Variants in TET3 observed in about 807,000 individuals in gnomAD.
The protein encoded by TET3 is methylcytosine dioxygenase TET3.
In TET3, 19 loss-of-function variants were observed where a neutral mutation model predicts 141.4. The ratio of observed to expected loss-of-function variants is 0.13; its 90% CI spans 0.09 to 0.20. TET3 has a LOEUF of 0.20. Among genes scored for constraint, TET3 ranks in the 10% least tolerant of loss-of-function variants. The pLI, the probability that TET3 is intolerant of heterozygous loss-of-function variation, is 1.00. For missense variants in TET3, 1,874 were observed against 2,356.9 expected (o/e 0.80, Z 4.24); for synonymous variants, 1,043 against 980.9 (o/e 1.06, Z -1.18).
At chr2:74,024,485 G>T (rs1003180250) in intron 3 of TET3, among the ~76,000 whole-genome samples, 1 of 152,060 alleles carries the variant, frequency 6.6e-6, no homozygotes, top group Non-Finnish European at 1.5e-5. Flanking sequence ...CATCCAGGCG[G>T]CCCCCTTCTT....
intron 4 of TET3, among the ~76,000 whole-genome samples, chr2:74,070,155 A>G (rs1038140440): frequency 6.6e-6 from 1 of 152,150 alleles, no homozygotes; most frequent in African/African-American, 2.4e-5. Context: ...TCTTAACTGT[A>G]TTCTGCTGTA....
At chr2:74,074,713 G>T (rs6755711) in intron 5 of TET3, among the ~76,000 whole-genome samples, 51,041 of 152,094 alleles carry the variant, frequency 0.34, 9,621 homozygotes, top group African/African-American at 0.51. Flanking sequence ...CACTGTAGGA[G>T]TGTCCCGAGG....
intron 3 of TET3, among the ~76,000 whole-genome samples, chr2:74,006,400 CT>C (rs913883093): frequency 6.6e-6 from 1 of 152,196 alleles, no homozygotes; most frequent in African/African-American, 2.4e-5. Context: ...GACCCTCACC[CT>C]TTTTGAATGT....
intron 3 of TET3, among the ~76,000 whole-genome samples, chr2:74,011,227 CAAA>C (rs34155044): frequency 6.4e-5 from 6 of 94,380 alleles, no homozygotes; most frequent in South Asian, 4.2e-4. Context: ...GACTCCGTTT[CAAA>C]AAAAAAAAAA....
chr2:74,095,085 G>T (rs142186142), intron 10 of TET3, among the ~76,000 whole-genome samples: 8 of 152,258 alleles, frequency 5.3e-5, no homozygotes, highest in Admixed American at 6.5e-5. Flanking sequence ...CCAGGTTCTG[G>T]GCAGACAGGG....
chr2:74,067,557 CGTAACAATTAT>C (rs1278262066), intron 4 of TET3, among the ~76,000 whole-genome samples: 3 of 152,202 alleles, frequency 2.0e-5, no homozygotes, highest in Non-Finnish European at 4.4e-5. Context: ...TTAACAATTA[CGTAACAATTAT>C]GTTTTATACA....
intron 3 of TET3, among the ~76,000 whole-genome samples, chr2:74,004,784 G>T (rs1462042859): frequency 6.6e-6 from 1 of 152,160 alleles, no homozygotes; most frequent in East Asian, 1.9e-4. Flanking sequence ...GCCTTCTCTG[G>T]AGCAGAACCC....
intron 3 of TET3, among the ~76,000 whole-genome samples, chr2:74,011,225 T>A: frequency 1.3e-5 from 1 of 78,806 alleles, no homozygotes; most frequent in South Asian, 3.1e-4. Flanking sequence ...GAGACTCCGT[T>A]TCAAAAAAAA....
intron 4 of TET3, among the ~76,000 whole-genome samples, chr2:74,055,055 C>T (rs1217407740): frequency 1.3e-5 from 2 of 152,072 alleles, no homozygotes; most frequent in African/African-American, 4.8e-5. Flanking sequence ...ACCACTATGC[C>T]TGGCTAATTT....
At chr2:74,012,522 G>A (rs1476269664) in intron 3 of TET3, among the ~76,000 whole-genome samples, 3 of 152,188 alleles carry the variant, frequency 2.0e-5, no homozygotes, top group Non-Finnish European at 4.4e-5. Flanking sequence ...CTTTCAGAAA[G>A]GAAACTGAGA....
At chr2:74,124,359 T>C in the TET3 span, among the ~76,000 whole-genome samples, 1 of 148,234 alleles carries the variant, frequency 6.7e-6, no homozygotes, top group South Asian at 2.1e-4. Context: ...GAGGTGAGGG[T>C]CGCCTCTGCC....
intron 3 of TET3, among the ~76,000 whole-genome samples, chr2:74,037,937 T>G (rs941395413): frequency 6.6e-6 from 1 of 152,246 alleles, no homozygotes. Context: ...TGTTGTTGAC[T>G]GAACGAGGTG....
chr2:73,999,470 C>T (rs1684743034), intron 2 of TET3, among the ~76,000 whole-genome samples: 1 of 152,182 alleles, frequency 6.6e-6, no homozygotes, highest in Admixed American at 6.5e-5. Context: ...AAGAATGTGT[C>T]TGGTTGTGTC....
intron 6 of TET3, among the ~76,000 whole-genome samples, chr2:74,084,915 A>G (rs540427079): frequency 6.6e-6 from 1 of 152,234 alleles, no homozygotes; most frequent in East Asian, 2.0e-4. Flanking sequence ...AGCCTGTGCA[A>G]CAGAGCAAGA....
intron 3 of TET3, among the ~76,000 whole-genome samples, chr2:74,003,849 C>T (rs868803825): frequency 7.2e-5 from 8 of 110,668 alleles, no homozygotes; most frequent in Non-Finnish European, 1.1e-4. Flanking sequence ...TTGTGGTTGT[C>T]TGGGGGGCGG....
intron 1 of TET3, 73 bp downstream of exon 1, chr2:73,985,230 G>T (rs1299902772): frequency 6.9e-6 from 1 of 144,876 alleles, no homozygotes; most frequent in African/African-American, 2.5e-5. Flanking sequence ...GCCCGGCCCG[G>T]GGGAGGGGGA....
chr2:74,053,949 G>T (rs1688081265), intron 4 of TET3, among the ~76,000 whole-genome samples: 2 of 152,182 alleles, frequency 1.3e-5, no homozygotes, highest in Non-Finnish European at 2.9e-5. Context: ...ACGGTGAGTA[G>T]GAGGGTATCA....
chr2:74,080,891 C>G (rs1226739675), intron 6 of TET3, among the ~76,000 whole-genome samples: 2 of 152,196 alleles, frequency 1.3e-5, no homozygotes, highest in Non-Finnish European at 2.9e-5. Context: ...TCGGCTCATC[C>G]TGTCCCCGTG....
intron 4 of TET3, 124 bp from the exon 5 acceptor site, chr2:74,073,425 C>A: frequency 1.6e-6 from 1 of 616,120 alleles, no homozygotes; most frequent in Non-Finnish European, 2.8e-6. Flanking sequence ...TTCACATGTT[C>A]ATAAGCCATG....
Sources: gnomAD v4.1 joint callset for allele counts (sites outside exome capture counted in the v4.1 genomes callset) on GRCh38, gnomAD v4.1.1 for gene constraint, MANE v1.5 for transcripts, NCBI Gene and HGNC (gene_info 2026-07-23, HGNC 2026-07-21) for gene names.